Variants in CCDC149 observed in about 807,000 individuals in gnomAD.
The protein encoded by CCDC149 is coiled-coil domain containing 149, also known as coiled-coil domain-containing protein 149.
A neutral mutation model predicts 59.9 loss-of-function variants in CCDC149; 45 were observed. The observed-to-expected ratio is 0.75, with a 90% confidence interval of 0.59 to 0.96. The LOEUF is 0.96. Ranked by LOEUF, CCDC149 falls within the 40% of genes least tolerant of loss-of-function variation. CCDC149 has a pLI of 0.00. For synonymous variants in CCDC149, 245 were observed against 260.6 expected (o/e 0.94, Z 0.58); for missense variants, 584 against 664.7 (o/e 0.88, Z 1.33).
intron 1 of CCDC149, among the ~76,000 whole-genome samples, chr4:24,940,692 T>C (rs1472409005): frequency 2.6e-5 from 4 of 151,960 alleles, no homozygotes; most frequent in Non-Finnish European, 5.9e-5. Flanking sequence ...AATAAAAGGA[T>C]GGAGGAAGAT....
rs1051858612 is a variant in CCDC149, at chr4:24,922,444, G to A, written c.-64-27326C>T. On this transcript the variant is annotated intron_variant, in intron 1 of 12. Coordinates refer to the CCDC149 transcript ENST00000389609. ...TCAGTAATATTTGCCCTTCCTCCATGCAATCCACATCTTTCTATTGTGCCA... is the reference window on the plus strand; with the variant it reads ...TCAGTAATATTTGCCCTTCCTCCATACAATCCACATCTTTCTATTGTGCCA... Among the ~76,000 whole-genome samples the A allele has an allele frequency of 8.5e-5, 13 of 152,262 alleles. No individual in the cohort carries two copies. The East Asian group carries it at 2.5e-3, about 29-fold the overall frequency.
chr4:24,884,415 G>A (rs1199311438), intron 1 of CCDC149, among the ~76,000 whole-genome samples: 2 of 152,116 alleles, frequency 1.3e-5, no homozygotes, highest in South Asian at 2.1e-4. Flanking sequence ...TAGTACAGTC[G>A]CACAATGATG....
chr4:24,937,170 AG>A (rs1409721942), intron 1 of CCDC149, among the ~76,000 whole-genome samples: 2 of 152,376 alleles, frequency 1.3e-5, no homozygotes, highest in Non-Finnish European at 2.9e-5. Context: ...AGAAAACCAC[AG>A]AATTGATAAA....
At chr4:24,888,992 A>C (rs1720367224) in intron 1 of CCDC149, among the ~76,000 whole-genome samples, 1 of 151,960 alleles carries the variant, frequency 6.6e-6, no homozygotes, top group Non-Finnish European at 1.5e-5. Context: ...TTTGACAGGC[A>C]AACTTTGATT....
At position 24,808,110 on chromosome 4, in the gene CCDC149, C is replaced by T; in HGVS notation, c.*279G>A. 1 of 293,606 alleles carries T rather than the reference C, an allele frequency of 3.4e-6. No individual in the cohort carries two copies. Among genetic ancestry groups the T allele is most frequent in the East Asian group, 5.9e-5 (1 of 17,022 alleles). 18.2% of individuals were successfully genotyped at this position (293,606 alleles called of 1,614,324 possible). ...CAGAAAGACGGATGCTGAAAACCAG[C>T]CATATGGTGGACACGATTCCTGGGC... is the stretch of plus-strand genomic sequence containing the variant. On this transcript the variant is annotated 3_prime_UTR_variant, in exon 13 of 13. Transcript: ENST00000635206.
intron 1 of CCDC149, among the ~76,000 whole-genome samples, chr4:24,955,105 T>C (rs2109357570): frequency 6.6e-6 from 1 of 152,320 alleles, no homozygotes; most frequent in East Asian, 1.9e-4. Flanking sequence ...TAACAGAATA[T>C]CTGAGACTTG....
intron 1 of CCDC149, among the ~76,000 whole-genome samples, chr4:24,919,804 G>A (rs1221923296): frequency 6.6e-6 from 1 of 152,204 alleles, no homozygotes; most frequent in Non-Finnish European, 1.5e-5. Flanking sequence ...GAAGGCCTGT[G>A]ACTCTATGAA....
At chr4:24,822,943 T>A (rs766276112) in intron 9 of CCDC149, 40 of 157,216 alleles carry the variant, frequency 2.5e-4, no homozygotes, top group Non-Finnish European at 4.6e-4. Flanking sequence ...TAATATCACA[T>A]CTTGATTCTT....
In CCDC149 at chr4:24,888,958, G is replaced by A. The variant is rs531458216; in HGVS notation, c.64-12261C>T. ...CTATCTTTCTCAGACTCACCATGCCGTTTTCCCCCTCTCCGGTATTACTTT... is the reference window on the plus strand; with the variant it reads ...CTATCTTTCTCAGACTCACCATGCCATTTTCCCCCTCTCCGGTATTACTTT... On this transcript the variant is annotated intron_variant, in intron 1 of 12. Coordinates refer to ENST00000635206, the MANE Select transcript of CCDC149 (RefSeq NM_001330643.2). Among the ~76,000 whole-genome samples the A allele has an allele frequency of 4.5e-4, 68 of 151,212 alleles. No homozygotes were observed. The Middle Eastern group carries it at 0.01, about 23-fold the overall frequency.
At position 24,837,460 on chromosome 4, in the gene CCDC149, G is replaced by T; in HGVS notation, c.490-60C>A. On this transcript the variant is annotated intron_variant, in intron 5 of 12. Transcript: ENST00000635206. The surrounding 1 kb of genome is among the most constrained non-coding windows in gnomAD (Gnocchi z 4.3). The stretch of plus-strand genomic sequence containing the variant: ...TCCTCAGGCTCCAGCTTTATGGCCA[G>T]AGATGGAGCCTCCCACTTGGTTGAC... 6.5e-7 allele frequency: 1 copy of T among 1,541,380 alleles called. No homozygotes were observed. The highest frequency in any genetic ancestry group is 1.2e-5 in the South Asian group (1 of 86,450).
chr4:24,857,580 T>G (rs1175515010), intron 3 of CCDC149, among the ~76,000 whole-genome samples: 1 of 152,194 alleles, frequency 6.6e-6, no homozygotes, highest in African/African-American at 2.4e-5. Flanking sequence ...AGACACTTTA[T>G]AAAAATCAGT....
At chr4:24,899,528 G>A (rs1721038446) in intron 1 of CCDC149, among the ~76,000 whole-genome samples, 1 of 152,198 alleles carries the variant, frequency 6.6e-6, no homozygotes, top group African/African-American at 2.4e-5. Context: ...GTGGCAGTTA[G>A]GAGGCTGGTC....
chr4:24,928,748 T>TGACACAGGTGCTGTCATGGTC (rs1215185231), intron 1 of CCDC149, among the ~76,000 whole-genome samples: 1 of 152,164 alleles, frequency 6.6e-6, no homozygotes, highest in Non-Finnish European at 1.5e-5. Flanking sequence ...CCTAGGAAAC[T>TGACACAGGTGCTGTCATGGTC]GACACAGGTG....
At chr4:24,809,907 G>A (rs1405688101) in intron 12 of CCDC149, among the ~76,000 whole-genome samples, 1 of 152,234 alleles carries the variant, frequency 6.6e-6, no homozygotes, top group Non-Finnish European at 1.5e-5. Context: ...AGGATGTTGA[G>A]CATCATCTGG....
chr4:24,871,167 G>C (rs1296694098), intron 3 of CCDC149, among the ~76,000 whole-genome samples: 2 of 151,886 alleles, frequency 1.3e-5, no homozygotes, highest in Non-Finnish European at 2.9e-5. Flanking sequence ...AAGAAAGGAA[G>C]GGAGCGTATA....
intron 3 of CCDC149, among the ~76,000 whole-genome samples, chr4:24,854,309 C>T (rs1415833258): frequency 6.6e-6 from 1 of 152,198 alleles, no homozygotes; most frequent in East Asian, 1.9e-4. Context: ...CAGGAAGAGA[C>T]TGCAAACTAC....
chr4:24,931,691 T>A (rs2109342269), intron 1 of CCDC149, among the ~76,000 whole-genome samples: 1 of 151,818 alleles, frequency 6.6e-6, no homozygotes, highest in South Asian at 2.1e-4. Flanking sequence ...TGCATATTTT[T>A]ATGAGCATTA....
chr4:24,928,549 A>G (rs1722494262), intron 1 of CCDC149, among the ~76,000 whole-genome samples: 1 of 152,184 alleles, frequency 6.6e-6, no homozygotes, highest in African/African-American at 2.4e-5. Flanking sequence ...GAATCTAACC[A>G]TGACTGGGTG....
intron 1 of CCDC149, among the ~76,000 whole-genome samples, chr4:24,950,432 A>C (rs1316627269): frequency 6.6e-6 from 1 of 152,254 alleles, no homozygotes; most frequent in African/African-American, 2.4e-5. Flanking sequence ...GTTATTACTC[A>C]ACATCACTTT....
Sources: allele counts gnomAD v4.1 joint callset (sites outside exome capture counted in the v4.1 genomes callset), GRCh38; gene constraint gnomAD v4.1.1; non-coding constraint Gnocchi (gnomAD v3.1); transcripts MANE v1.5; gene names NCBI Gene and HGNC (gene_info 2026-07-23, HGNC 2026-07-21).